KCNT2: variants seen among roughly 807,000 people sequenced by gnomAD.
KCNT2 encodes the protein potassium sodium-activated channel subfamily T member 2, also known as potassium channel subfamily T member 2.
KCNT2 carries 67 observed loss-of-function variants against 153.8 expected under a neutral mutation model. That is an observed-to-expected ratio of 0.44 (90% CI 0.36 to 0.53). The LOEUF is 0.53. Ranked by LOEUF, KCNT2 falls within the 20% of genes least tolerant of loss-of-function variation. KCNT2 has a pLI of 0.00. For synonymous variants in KCNT2, 500 were observed against 458.8 expected, an observed-to-expected ratio of 1.09 and a Z score of -1.15; for missense variants, 975 against 1,354.8, an observed-to-expected ratio of 0.72 and a Z score of 4.40.
chr1:196,593,295 A>T (rs985906552), intron 1 of KCNT2, among the ~76,000 whole-genome samples: 46 of 128,820 alleles, frequency 3.6e-4, no homozygotes, highest in South Asian at 7.8e-4. Context: ...TCATATATAT[A>T]ATATATATAT....
chr1:196,321,622 C>T (rs188904841), intron 19 of KCNT2, among the ~76,000 whole-genome samples: 161 of 151,980 alleles, frequency 1.1e-3, no homozygotes, highest in Middle Eastern at 3.4e-3. Flanking sequence ...TATGGTTCAT[C>T]CTTACATGAA....
Position 196,608,265 on chromosome 1 carries a change from G to A in KCNT2, c.45C>T (p.Tyr15=). The A allele has an allele frequency of 2.5e-6, 4 of 1,614,118 alleles. No individual in the cohort carries two copies. The highest frequency in any genetic ancestry group is 3.4e-6 in the Non-Finnish European group (4 of 1,180,028). Residue 15 remains tyrosine (Y), a synonymous_variant, in exon 1 of 28, where the codon TAC becomes TAT. Coordinates refer to ENST00000294725, the MANE Select transcript of KCNT2 (RefSeq NM_198503.5). The part of the protein sequence containing the change: ...ESEVPPLPPR[Y]RFRDLLLGDQ... ...CCCCTAGCAGCAAATCTCGAAACCT[G>A]TACCTGGGAGGCAGAGGGGGCACTT...
chr1:196,541,150 C>G (rs1572768480), intron 1 of KCNT2, among the ~76,000 whole-genome samples: 1 of 147,640 alleles, frequency 6.8e-6, no homozygotes, highest in African/African-American at 2.5e-5. Flanking sequence ...ATAAAAAAAG[C>G]ATCTAATATC....
intron 14 of KCNT2, 54 bp from the exon 15 acceptor site, chr1:196,342,282 G>T: frequency 6.6e-7 from 1 of 1,508,814 alleles, no homozygotes; most frequent in Non-Finnish European, 9.0e-7. Context: ...CACAGTGAAT[G>T]TGGTTAAAAA....
intron 1 of KCNT2, among the ~76,000 whole-genome samples, chr1:196,535,179 C>G (rs1178730514): frequency 6.6e-6 from 1 of 152,152 alleles, no homozygotes; most frequent in Non-Finnish European, 1.5e-5. Context: ...TCCCAACATT[C>G]TAGGAGGAGT....
intron 1 of KCNT2, among the ~76,000 whole-genome samples, chr1:196,566,838 T>C (rs1013668964): frequency 6.6e-6 from 1 of 152,122 alleles, no homozygotes; most frequent in African/African-American, 2.4e-5. Flanking sequence ...AGAAGGCATA[T>C]AAATAAATTA....
At chr1:196,405,286 C>T (rs1408249038) in intron 12 of KCNT2, among the ~76,000 whole-genome samples, 1 of 150,948 alleles carries the variant, frequency 6.6e-6, no homozygotes, top group African/African-American at 2.4e-5. Flanking sequence ...ATTGTGATAA[C>T]CTTAGAATAA....
At chr1:196,468,660 T>C (rs987082427) in intron 6 of KCNT2, among the ~76,000 whole-genome samples, 18 of 152,110 alleles carry the variant, frequency 1.2e-4, no homozygotes, top group African/African-American at 3.9e-4. Flanking sequence ...ATGTTTCCAA[T>C]TGGCTTATTT....
chr1:196,260,889 T>C (rs1656954149), intron 25 of KCNT2, among the ~76,000 whole-genome samples: 2 of 151,966 alleles, frequency 1.3e-5, no homozygotes, highest in South Asian at 4.1e-4. Context: ...CATTAATATA[T>C]AAAGAAAACA....
intron 1 of KCNT2, among the ~76,000 whole-genome samples, chr1:196,554,845 A>G (rs1658435170): frequency 6.6e-6 from 1 of 151,350 alleles, no homozygotes; most frequent in Admixed American, 6.6e-5. Flanking sequence ...ATGCAAATCA[A>G]TCAATGCGAT....
At chr1:196,456,086 A>C (rs1291035420) in intron 8 of KCNT2, among the ~76,000 whole-genome samples, 1 of 151,978 alleles carries the variant, frequency 6.6e-6, no homozygotes, top group Non-Finnish European at 1.5e-5. Context: ...AATGGCAAAA[A>C]ATATCCCAAC....
intron 22 of KCNT2, among the ~76,000 whole-genome samples, chr1:196,294,114 C>T (rs1660455983): frequency 6.6e-6 from 1 of 152,118 alleles, no homozygotes; most frequent in Non-Finnish European, 1.5e-5. Context: ...ATCAACATCA[C>T]TGATCATCAG....
intron 22 of KCNT2, among the ~76,000 whole-genome samples, chr1:196,289,676 C>A (rs1380501749): frequency 1.3e-5 from 2 of 151,980 alleles, no homozygotes; most frequent in Non-Finnish European, 2.9e-5. Context: ...TCACAATATG[C>A]AAAGCTTTTT....
chr1:196,287,444 C>A (rs1162095697), intron 22 of KCNT2, among the ~76,000 whole-genome samples: 1 of 77,032 alleles, frequency 1.3e-5, no homozygotes, highest in Non-Finnish European at 2.4e-5. Flanking sequence ...CTCTTCAAAA[C>A]AAACAAACAA....
At chr1:196,371,671 A>C (rs1353488392) in intron 14 of KCNT2, among the ~76,000 whole-genome samples, 1 of 152,122 alleles carries the variant, frequency 6.6e-6, no homozygotes, top group Admixed American at 6.6e-5. Flanking sequence ...GGCAAAATTC[A>C]TTAGAGTATG....
At chr1:196,598,224 A>G (rs1664312776) in intron 1 of KCNT2, among the ~76,000 whole-genome samples, 1 of 152,142 alleles carries the variant, frequency 6.6e-6, no homozygotes, top group Non-Finnish European at 1.5e-5. Flanking sequence ...TGATTCATTT[A>G]TTATTCACTT....
intron 19 of KCNT2, among the ~76,000 whole-genome samples, chr1:196,321,474 C>T (rs1041291208): frequency 2.0e-5 from 3 of 151,904 alleles, no homozygotes; most frequent in Non-Finnish European, 4.4e-5. Context: ...GCTAACTGGC[C>T]ATCAAATTTA....
intron 27 of KCNT2, among the ~76,000 whole-genome samples, chr1:196,231,970 A>T (rs1653995755): frequency 6.6e-6 from 1 of 151,902 alleles, no homozygotes; most frequent in Non-Finnish European, 1.5e-5. Context: ...TATAAAATGA[A>T]CAGGAAAACT....
intron 13 of KCNT2, among the ~76,000 whole-genome samples, chr1:196,388,328 C>A (rs2148401178): frequency 6.6e-6 from 1 of 151,840 alleles, no homozygotes. Flanking sequence ...AGCTTCACAA[C>A]AGAGGTACTA....
Sources: gnomAD v4.1 joint callset for allele counts (sites outside exome capture counted in the v4.1 genomes callset) on GRCh38, gnomAD v4.1.1 for gene constraint, MANE v1.5 for transcripts, NCBI Gene and HGNC (gene_info 2026-07-23, HGNC 2026-07-21) for gene names.